UNC45A: variants seen among roughly 807,000 people sequenced by gnomAD.
UNC45A encodes the protein protein unc-45 homolog A.
UNC45A carries 78 observed loss-of-function variants against 103.2 expected under a neutral mutation model. That is an observed-to-expected ratio of 0.76 (90% confidence interval 0.63 to 0.91). The LOEUF is 0.91. UNC45A is among the 40% of genes least tolerant of loss of function. UNC45A has a pLI of 0.00. For synonymous variants in UNC45A, 495 were observed against 504.6 expected, an observed-to-expected ratio of 0.98 and a Z score of 0.25; for missense variants, 1,193 against 1,224.8, an observed-to-expected ratio of 0.97 and a Z score of 0.39.
chr15:90,935,865 G>A (rs2035988602), intron 2 of UNC45A, 81 bp from the exon 3 acceptor site: 1 of 1,603,352 alleles, frequency 6.2e-7, no homozygotes, highest in African/African-American at 1.3e-5. Flanking sequence ...TGACCTTGGA[G>A]AGCGAGAGTA....
rs775456273 is a variant in UNC45A, at chr15:90,942,748, G to A, written c.856+143G>A. The A allele has an allele frequency of 9.3e-6, 14 of 1,501,286 alleles. No homozygotes were observed. In the South Asian group the frequency reaches 1.8e-4, roughly 19 times the overall value. The allele number at this position is 1,501,286 out of a possible 1,614,324, so 93.0% of individuals were successfully genotyped here. A position where few individuals can be genotyped will look rare whatever the true frequency, so the allele number is the denominator to read the frequency against. On this transcript the variant is annotated intron_variant, in intron 7 of 19. Transcript: ENST00000418476. ...GGTTTGGTGACATTATTTTACTCTA[G>A]ATTCTCAGCAACCAAGGTGCCTCAG...
intron 6 of UNC45A, 115 bp downstream of exon 6, chr15:90,940,588 C>A: frequency 7.6e-7 from 1 of 1,312,674 alleles, no homozygotes; most frequent in Non-Finnish European, 1.0e-6. Flanking sequence ...CATCCATCCA[C>A]TCTTCCACCC....
intron 6 of UNC45A, among the ~76,000 whole-genome samples, chr15:90,941,214 C>T (rs1409070772): frequency 6.6e-6 from 1 of 152,178 alleles, no homozygotes; most frequent in African/African-American, 2.4e-5. Context: ...ACAGCATCTA[C>T]CATCGAGACA....
chr15:90,947,351 G>T (rs1000900879), intron 10 of UNC45A: 17 of 257,316 alleles, frequency 6.6e-5, no homozygotes, highest in African/African-American at 3.5e-4. Flanking sequence ...CCATGAGCCT[G>T]TTGTGGCTGT....
In UNC45A at chr15:90,947,877, A is replaced by C. The variant is rs1364331573; in HGVS notation, c.1582A>C (p.Lys528Gln). The C allele has an allele frequency of 6.2e-7, 1 of 1,613,774 alleles. No individual in the cohort carries two copies. Among genetic ancestry groups the C allele is most frequent in the Non-Finnish European group, 8.5e-7 (1 of 1,179,860 alleles). The change falls in exon 11 of 20, where the codon AAG (lysine) becomes CAG (glutamine). Residue 528 changes from lysine to glutamine, a missense_variant. By Grantham distance (53) the Lys-to-Gln change is moderately conservative (BLOSUM62 1). Transcript: ENST00000418476. ...FAEGSTLKLA[K>Q]QCRKWLCNDQ... ...TGAAGGCTCCACTCTCAAACTGGCT[A>C]AGCAGTGTCGAAAGTGAGTCATCTG... is the stretch of plus-strand genomic sequence containing the variant.
intron 17 of UNC45A, among the ~76,000 whole-genome samples, chr15:90,951,792 C>T (rs2036929339): frequency 6.6e-6 from 1 of 152,018 alleles, no homozygotes; most frequent in South Asian, 2.1e-4. Context: ...GTGGCGTGCA[C>T]CTGTAGTCCC....
rs763506129 is a variant in UNC45A at position 90,940,350 on chromosome 15, G to A, written c.564G>A (p.Ala188=). The A allele has an allele frequency of 1.8e-5, 29 of 1,613,996 alleles. No homozygotes were observed. The highest frequency in any genetic ancestry group is 8.0e-5 in the African/African-American group (6 of 74,920). The change falls in exon 6 of 20, where the codon GCG becomes GCA. Residue 188 remains alanine (A), a synonymous_variant. Coordinates refer to ENST00000418476, the MANE Select transcript of UNC45A (RefSeq NM_018671.5). ...TGCTGGCCAGGGAGGATGCTGGAGC[G>A]GAGAAGATCTTCCGGAGTAATGGGG... ...LVVLAREDAG[A]EKIFRSNGVQ...
chr15:90,942,833 C>T, intron 7 of UNC45A, 79 bp from the exon 8 acceptor site: 1 of 1,533,106 alleles, frequency 6.5e-7, no homozygotes, highest in East Asian at 2.3e-5. Context: ...CTGTGTCTCC[C>T]TGGTTTGTTG....
At position 90,950,618 on chromosome 15, in the gene UNC45A, AAGG is replaced by A; in HGVS notation, c.2303+4_2303+6del. 4 of 1,613,940 alleles carry A rather than the reference AAGG, an allele frequency of 2.5e-6. No individual in the cohort carries two copies. Among genetic ancestry groups the A allele is most frequent in the Non-Finnish European group, 3.4e-6 (4 of 1,179,924 alleles). On this transcript the variant is annotated splice_donor_5th_base_variant and intron_variant, in intron 17 of 19. Coordinates refer to ENST00000418476, the MANE Select transcript of UNC45A (RefSeq NM_018671.5). ...GCTGGGATCAGCGAGAGGCTCCGGT[AAGG>A]TCCCTTGGGATTGCGGGGCCTGGAC...
rs749132757 is a variant in UNC45A, at chr15:90,942,949, C to T, written c.894C>T (p.Leu298=). ...ARELKVLISN[L]LDLLTEVGVS... ...AGCTGAAGGTCCTCATCAGTAACCTCTTAGATCTGCTGACAGAGGTGGGGG... is the reference window on the plus strand; with the variant it reads ...AGCTGAAGGTCCTCATCAGTAACCTTTTAGATCTGCTGACAGAGGTGGGGG... Residue 298 remains leucine (L), a synonymous_variant, in exon 8 of 20, where the codon CTC becomes CTT. Transcript: ENST00000418476. 2 of 1,613,980 alleles carry T rather than the reference C, an allele frequency of 1.2e-6. No homozygotes were observed. The highest frequency in any genetic ancestry group is 1.7e-6 in the Non-Finnish European group (2 of 1,179,916).
At chr15:90,938,444 C>T (rs894287877) in intron 4 of UNC45A, among the ~76,000 whole-genome samples, 1 of 152,034 alleles carries the variant, frequency 6.6e-6, no homozygotes, top group African/African-American at 2.4e-5. Flanking sequence ...CTCTCAATGC[C>T]AACTCTGATT....
Position 90,943,986 on chromosome 15 carries a change from G to GTTT in UNC45A, c.1028-883_1028-881dup, listed in dbSNP as rs953436599. Among the ~76,000 whole-genome samples, 438 of 78,310 alleles carry GTTT rather than the reference G, an allele frequency of 5.6e-3. 8 individuals are homozygous for GTTT. Among genetic ancestry groups the GTTT allele is most frequent in the Middle Eastern group, 0.022 (1 of 46 alleles). 51.4% of individuals were successfully genotyped at this position (78,310 alleles called of 152,430 possible). A position where few individuals can be genotyped will look rare whatever the true frequency, so the allele number is the denominator to read the frequency against. On this transcript the variant is annotated intron_variant, in intron 8 of 19. Transcript: ENST00000418476. Reference sequence around the variant, plus strand: ...TTACCGTCATGAGCCATTGTGCCCTGTTTTTTTTTTTTTTTTTTTTTTTTT... The same window carrying GTTT: ...TTACCGTCATGAGCCATTGTGCCCTGTTTTTTTTTTTTTTTTTTTTTTTTTTTT...
Position 90,952,976 on chromosome 15 carries a change from T to A in UNC45A, c.2351T>A (p.Met784Lys). The A allele has an allele frequency of 6.2e-7, 1 of 1,613,464 alleles. No individual in the cohort carries two copies. Among genetic ancestry groups the A allele is most frequent in the South Asian group, 1.1e-5 (1 of 91,078 alleles). The change falls in exon 18 of 20, where the codon ATG becomes AAG. Residue 784 changes from methionine to lysine, a missense_variant. Met to Lys is a moderately conservative substitution (Grantham distance 95, BLOSUM62 -1). Transcript: ENST00000418476. ...EKAVPMIEGY[M>K]FEEHEMIRRA... ...GCTGTGCCCATGATAGAAGGCTACA[T>A]GTTTGAGGAGCATGAGATGATCCGC...
At chr15:90,939,653 C>A in intron 4 of UNC45A, 78 bp from the exon 5 acceptor site, 1 of 1,483,292 alleles carries the variant, frequency 6.7e-7, no homozygotes, top group Non-Finnish European at 9.4e-7. Flanking sequence ...GAGTGAGGAG[C>A]TGGAGACAAA....
upstream of UNC45A, chr15:90,934,532 GC>G: frequency 2.5e-6 from 1 of 398,930 alleles, no homozygotes; most frequent in Non-Finnish European, 4.4e-6. Context: ...CCGCTCTTCC[GC>G]CCCCGCCCAT....
rs557101772 is a variant in UNC45A, at chr15:90,952,771, A to G, written c.2304-158A>G. ...TAACCAGATCTCACGAGAACTTACT[A>G]TCACGAGGATAGCACCAAGCCATGA... On this transcript the variant is annotated intron_variant, in intron 17 of 19. Transcript: ENST00000418476. The G allele has an allele frequency of 2.5e-5, 16 of 642,060 alleles. No individual in the cohort carries two copies. The East Asian group carries it at 4.1e-4, about 17-fold the overall frequency. 39.8% of individuals were successfully genotyped at this position (642,060 alleles called of 1,614,324 possible).
At chr15:90,950,364 G>T in intron 16 of UNC45A, 97 bp downstream of exon 16, 3 of 1,480,458 alleles carry the variant, frequency 2.0e-6, no homozygotes, top group Non-Finnish European at 2.8e-6. Flanking sequence ...GGAAGTTTCA[G>T]CTTTGTCAAG....
intron 4 of UNC45A, among the ~76,000 whole-genome samples, chr15:90,937,786 G>A (rs1379652352): frequency 2.6e-5 from 4 of 151,816 alleles, no homozygotes; most frequent in African/African-American, 4.8e-5. Context: ...GCACCCAGCC[G>A]AAAATATTTT....
At position 90,951,304 on chromosome 15, in the gene UNC45A, C is replaced by T. The variant is rs372808081; in HGVS notation, c.2303+689C>T. Among the ~76,000 whole-genome samples the T allele has an allele frequency of 8.5e-5, 13 of 152,336 alleles. 1 individual carries two copies. Among genetic ancestry groups the T allele is most frequent in the African/African-American group, 3.1e-4 (13 of 41,562 alleles). ...ACAGGTGTGAGCCACTGCAGCTGGC[C>T]AGCATGTTTTAGTTTTATTACTAAC... is the stretch of plus-strand genomic sequence containing the variant. On this transcript the variant is annotated intron_variant, in intron 17 of 19. Transcript: ENST00000418476.
Sources: gnomAD v4.1 joint callset for allele counts (sites outside exome capture counted in the v4.1 genomes callset) on GRCh38, gnomAD v4.1.1 for gene constraint, MANE v1.5 for transcripts, NCBI Gene and HGNC (gene_info 2026-07-23, HGNC 2026-07-21) for gene names.